CACNB2: variants seen among roughly 807,000 people sequenced by gnomAD.
CACNB2 encodes the protein voltage-dependent L-type calcium channel subunit beta-2.
A neutral mutation model predicts 73.3 loss-of-function variants in CACNB2; 42 were observed. That is an observed-to-expected ratio of 0.57 (90% CI 0.45 to 0.74). The LOEUF (loss-of-function observed/expected upper bound fraction) is 0.74, where lower values mean the gene tolerates loss of function less well. CACNB2 is among the 30% of genes least tolerant of loss of function. CACNB2 has a pLI of 0.00. For missense variants in CACNB2, 940 were observed against 853.0 expected (o/e 1.10, Z -1.27); for synonymous variants, 348 against 310.3 (o/e 1.12, Z -1.28).
chr10:18,151,797 T>C (rs942305380), intron 2 of CACNB2, among the ~76,000 whole-genome samples: 1 of 152,102 alleles, frequency 6.6e-6, no homozygotes, highest in African/African-American at 2.4e-5. Flanking sequence ...GGATGTCCAG[T>C]GTCTGATCAG....
chr10:18,409,363 C>G (rs896738969), intron 3 of CACNB2, among the ~76,000 whole-genome samples: 5 of 151,742 alleles, frequency 3.3e-5, no homozygotes, highest in Admixed American at 6.6e-5. Context: ...GTCTTGAACT[C>G]CTGGGCTCAA....
chr10:18,189,989 A>G (rs1322474960), intron 2 of CACNB2, among the ~76,000 whole-genome samples: 1 of 152,210 alleles, frequency 6.6e-6, no homozygotes, highest in Non-Finnish European at 1.5e-5. Flanking sequence ...GAAAGCCCGT[A>G]AGCAAATGCT....
intron 2 of CACNB2, among the ~76,000 whole-genome samples, chr10:18,240,405 C>G (rs926880659): frequency 1.3e-5 from 2 of 152,112 alleles, no homozygotes; most frequent in Non-Finnish European, 2.9e-5. Flanking sequence ...ATGGCGTACT[C>G]AAAACTAGTC....
At chr10:18,188,863 C>CACATA (rs2034270670) in intron 2 of CACNB2, among the ~76,000 whole-genome samples, 1 of 152,068 alleles carries the variant, frequency 6.6e-6, no homozygotes, top group African/African-American at 2.4e-5. Context: ...TAGTTCTATG[C>CACATA]GTGTGTGTGG....
intron 6 of CACNB2, among the ~76,000 whole-genome samples, chr10:18,510,215 A>G (rs1427238614): frequency 6.6e-6 from 1 of 152,228 alleles, no homozygotes; most frequent in Non-Finnish European, 1.5e-5. Flanking sequence ...ATGTCCAGAT[A>G]CAGGTAAATT....
intron 2 of CACNB2, among the ~76,000 whole-genome samples, chr10:18,332,066 G>C (rs532594254): frequency 6.6e-6 from 1 of 152,166 alleles, no homozygotes. Context: ...GGGAGAGGAC[G>C]TCTGAGATGT....
chr10:18,161,173 TA>T (rs2032429824), intron 2 of CACNB2, among the ~76,000 whole-genome samples: 1 of 152,162 alleles, frequency 6.6e-6, no homozygotes, highest in South Asian at 2.1e-4. Context: ...GAAAATGTAG[TA>T]AAAGTTCTTC....
chr10:18,435,061 C>T (rs2046067533), intron 3 of CACNB2, among the ~76,000 whole-genome samples: 1 of 152,266 alleles, frequency 6.6e-6, no homozygotes, highest in Admixed American at 6.5e-5. Flanking sequence ...TGCTGGAGCC[C>T]ACGTAGATGC....
intron 3 of CACNB2, among the ~76,000 whole-genome samples, chr10:18,449,108 G>A (rs1339554325): frequency 6.6e-6 from 1 of 152,224 alleles, no homozygotes; most frequent in Non-Finnish European, 1.5e-5. Context: ...AACGTGCCCA[G>A]GTGCGGTGGC....
intron 9 of CACNB2, among the ~76,000 whole-genome samples, chr10:18,525,473 T>G (rs2052378225): frequency 6.6e-6 from 1 of 152,192 alleles, no homozygotes; most frequent in Non-Finnish European, 1.5e-5. Context: ...TTCATTACCT[T>G]GTGGCTTCCA....
At chr10:18,477,940 G>C (rs1474003820) in intron 3 of CACNB2, among the ~76,000 whole-genome samples, 1 of 152,020 alleles carries the variant, frequency 6.6e-6, no homozygotes, top group Non-Finnish European at 1.5e-5. Context: ...AGGTTTGTTT[G>C]TTCGTTTGTT....
chr10:18,146,652 G>T (rs2031019335), intron 1 of CACNB2, among the ~76,000 whole-genome samples: 1 of 151,924 alleles, frequency 6.6e-6, no homozygotes, highest in African/African-American at 2.4e-5. Context: ...GAATTTTTTT[G>T]TATTTTTAGT....
At chr10:18,182,877 T>G (rs555460446) in intron 2 of CACNB2, among the ~76,000 whole-genome samples, 4 of 152,232 alleles carry the variant, frequency 2.6e-5, no homozygotes, top group Non-Finnish European at 5.9e-5. Flanking sequence ...TTAACATTAT[T>G]AATATCTTGG....
intron 3 of CACNB2, among the ~76,000 whole-genome samples, chr10:18,464,418 T>TAAAAAAAAAAAAAAAAAAAAAAAAA (rs762982462): frequency 1.5e-4 from 13 of 85,300 alleles, no homozygotes; most frequent in East Asian, 8.1e-4. Flanking sequence ...TCTCAAAAAT[T>TAAAAAAAAAAAAAAAAAAAAAAAAA]AAAAAAAAAA....
intron 2 of CACNB2, among the ~76,000 whole-genome samples, chr10:18,225,003 T>C (rs2035936335): frequency 6.6e-6 from 1 of 152,182 alleles, no homozygotes; most frequent in South Asian, 2.1e-4. Context: ...TCTATGGCCC[T>C]TGTTCTTTTC....
intron 2 of CACNB2, among the ~76,000 whole-genome samples, chr10:18,394,478 C>G (rs2132476106): frequency 6.6e-6 from 1 of 152,284 alleles, no homozygotes; most frequent in East Asian, 1.9e-4. Flanking sequence ...TGAGCAGACA[C>G]ATGCATGGCA....
At chr10:18,290,051 GTA>G in intron 2 of CACNB2, among the ~76,000 whole-genome samples, 1 of 144,178 alleles carries the variant, frequency 6.9e-6, no homozygotes, top group African/African-American at 2.6e-5. Flanking sequence ...TTTTTGAGAG[GTA>G]TATGACATCT....
chr10:18,361,088 G>A (rs980798930), intron 2 of CACNB2, among the ~76,000 whole-genome samples: 13 of 151,902 alleles, frequency 8.6e-5, no homozygotes, highest in Admixed American at 7.2e-4. Flanking sequence ...TACTAAATGT[G>A]TGTGTTCCCT....
chr10:18,362,551 A>G (rs1363229784), intron 2 of CACNB2, among the ~76,000 whole-genome samples: 4 of 152,246 alleles, frequency 2.6e-5, no homozygotes, highest in Non-Finnish European at 4.4e-5. Flanking sequence ...TCTTTTAAGT[A>G]TAAGAAAAAT....
Sources: allele counts gnomAD v4.1 joint callset (sites outside exome capture counted in the v4.1 genomes callset), GRCh38; gene constraint gnomAD v4.1.1; transcripts MANE v1.5; gene names NCBI Gene and HGNC (gene_info 2026-07-23, HGNC 2026-07-21).